ENPP2: variants seen among roughly 807,000 people sequenced by gnomAD.
ENPP2 encodes the protein ectonucleotide pyrophosphatase/phosphodiesterase 2, also known as autotaxin.
Under a neutral mutation model 120.2 loss-of-function variants are expected in ENPP2, and 51 were observed. The ratio of observed to expected loss-of-function variants is 0.42; its 90% CI spans 0.34 to 0.54. The LOEUF is 0.54. Ranked by LOEUF, ENPP2 falls within the 20% of genes least tolerant of loss-of-function variation. The pLI, the probability that ENPP2 is intolerant of heterozygous loss-of-function variation, is 0.04. For synonymous variants in ENPP2, 365 were observed against 366.4 expected (o/e 1.00, Z 0.04); for missense variants, 920 against 1,066.5 (o/e 0.86, Z 1.91).
rs765656717 is a variant in ENPP2, at chr8:119,590,624, T to C, written c.1088A>G (p.Glu363Gly). The change falls in exon 13 of 25, where the codon GAA becomes GGA. Residue 363 changes from glutamate (E) to glycine (G), a missense_variant. Coordinates refer to ENST00000075322, the MANE Select transcript of ENPP2 (RefSeq NM_001040092.3). ...CTCAGTTCTATCACATGTGACATCT[T>C]CCATTCCTATGGGGAGGGAGAAAAA... ...NVIFVGDHGM[E>G]DVTCDRTEFL... 2 of 1,530,898 alleles carry C rather than the reference T, an allele frequency of 1.3e-6. No homozygotes were observed. The highest frequency in any genetic ancestry group is 2.6e-5 in the South Asian group (2 of 77,372). The allele number at this position is 1,530,898 out of a possible 1,614,324, so 94.8% of individuals were successfully genotyped here. A position where few individuals can be genotyped will look rare whatever the true frequency, so the allele number is the denominator to read the frequency against.
At chr8:119,592,045 G>A (rs939792163) in intron 12 of ENPP2, among the ~76,000 whole-genome samples, 2 of 152,156 alleles carry the variant, frequency 1.3e-5, no homozygotes, top group Non-Finnish European at 2.9e-5. Flanking sequence ...ACTTTGTGGA[G>A]GGGTGTTAAT....
At chr8:119,593,994 T>C in intron 11 of ENPP2, 134 bp from the exon 12 acceptor site, 1 of 668,596 alleles carries the variant, frequency 1.5e-6, no homozygotes, top group Admixed American at 2.4e-5. Flanking sequence ...CTGGGGAGAT[T>C]TGCCTGCCAT....
At chr8:119,631,426 C>G (rs1438528028) in intron 2 of ENPP2, among the ~76,000 whole-genome samples, 1 of 151,628 alleles carries the variant, frequency 6.6e-6, no homozygotes, top group Non-Finnish European at 1.5e-5. Flanking sequence ...CCGTGTTAGC[C>G]AGGATGGTCT....
chr8:119,592,554 G>A (rs7001006), intron 12 of ENPP2, among the ~76,000 whole-genome samples: 3,689 of 150,566 alleles, frequency 0.025, 157 homozygotes, highest in African/African-American at 0.084. Flanking sequence ...CATCTTGGAA[G>A]CCTACACACT....
chr8:119,631,506 A>G (rs911521913), intron 2 of ENPP2, among the ~76,000 whole-genome samples: 11 of 151,970 alleles, frequency 7.2e-5, no homozygotes, highest in South Asian at 2.1e-4. Flanking sequence ...GTGAGCCACC[A>G]CGCCCAGTCT....
In ENPP2 at chr8:119,600,704, GT is replaced by G; in HGVS notation, c.945del (p.His316ThrfsTer10). The G allele has an allele frequency of 6.2e-7, 1 of 1,612,872 alleles. No homozygotes were observed. Among genetic ancestry groups the G allele is most frequent in the Non-Finnish European group, 8.5e-7 (1 of 1,178,926 alleles). ...AFYSEQPDFS[G>X]HKYGPFGPEM... is the part of the protein sequence containing the mutation. ...TCAGGGCCGAAAGGGCCATATTTGT[GT>G]CCAGAGAAATCAGGTTGCTCAGAAT... On this transcript the variant is annotated frameshift_variant, in exon 11 of 25. Coordinates refer to ENST00000075322, the MANE Select transcript of ENPP2 (RefSeq NM_001040092.3). LOFTEE classifies it high-confidence loss of function.
At position 119,570,843 on chromosome 8, in the gene ENPP2, TA is replaced by T; in HGVS notation, c.1781-3del. Reference sequence around the variant, plus strand: ...GTCGCCCATAGAGGAGGTGTCTCTCTAAAAAAGAAAAAAAATAAACTGTGTT... The same window carrying T: ...GTCGCCCATAGAGGAGGTGTCTCTCTAAAAAGAAAAAAAATAAACTGTGTT... On this transcript the variant is annotated splice_region_variant and splice_polypyrimidine_tract_variant and intron_variant, in intron 19 of 24. Transcript: ENST00000075322. The T allele has an allele frequency of 1.3e-6, 2 of 1,535,886 alleles. No individual in the cohort carries two copies. The highest frequency in any genetic ancestry group is 8.7e-7 in the Non-Finnish European group (1 of 1,149,366).
chr8:119,572,058 A>C (rs946681677), intron 19 of ENPP2: 1 of 723,602 alleles, frequency 1.4e-6, no homozygotes, highest in African/African-American at 1.8e-5. Context: ...ATTAGAACAT[A>C]ATCTGACAAT....
chr8:119,586,376 C>T, intron 14 of ENPP2, 63 bp from the exon 15 acceptor site: 1 of 1,523,484 alleles, frequency 6.6e-7, no homozygotes, highest in Non-Finnish European at 9.1e-7. Context: ...CTTACAAATT[C>T]TCTCTCTAGA....
intron 1 of ENPP2, among the ~76,000 whole-genome samples, chr8:119,643,880 G>A (rs764935919): frequency 6.6e-6 from 1 of 152,202 alleles, no homozygotes; most frequent in Admixed American, 6.5e-5. Flanking sequence ...GGGTGTGTGG[G>A]AGTGAGTAAC....
rs756959097 is a variant in ENPP2 at position 119,638,800 on chromosome 8, C to G, written c.-20G>C. ...TGCCATGTCGAGGATTCTTGGAAAGCCTTTTGCAGCGTGTTCTCTTTGCCT... is the reference window on the plus strand; with the variant it reads ...TGCCATGTCGAGGATTCTTGGAAAGGCTTTTGCAGCGTGTTCTCTTTGCCT... On this transcript the variant is annotated 5_prime_UTR_variant, in exon 1 of 25. Transcript: ENST00000075322. The G allele has an allele frequency of 8.1e-6, 13 of 1,613,804 alleles. No homozygotes were observed. In the Admixed American group the frequency reaches 1.5e-4, roughly 19 times the overall value.
At chr8:119,673,236 G>A (rs774510743) in intron 1 of ENPP2, 2 of 1,532,372 alleles carry the variant, frequency 1.3e-6, no homozygotes. Flanking sequence ...CGGGTAGAGA[G>A]AGGCGCATAC....
At chr8:119,653,506 G>C (rs574237552) in intron 1 of ENPP2, among the ~76,000 whole-genome samples, 3 of 152,282 alleles carry the variant, frequency 2.0e-5, no homozygotes, top group African/African-American at 7.2e-5. Context: ...GGGAAGCCAG[G>C]TGTCTTGGAA....
chr8:119,622,966 T>C (rs575908004), intron 3 of ENPP2, among the ~76,000 whole-genome samples: 1 of 152,168 alleles, frequency 6.6e-6, no homozygotes, highest in South Asian at 2.1e-4. Flanking sequence ...GTGGCATTGA[T>C]AGAGAAAGAT....
chr8:119,641,323 A>AC (rs1229911045), upstream of ENPP2, among the ~76,000 whole-genome samples: 3 of 152,062 alleles, frequency 2.0e-5, no homozygotes, highest in South Asian at 2.1e-4. Context: ...AGCTGAAAAA[A>AC]AAAAACAAAA....
upstream of ENPP2, among the ~76,000 whole-genome samples, chr8:119,639,567 C>A (rs1171830250): frequency 6.6e-6 from 1 of 152,010 alleles, no homozygotes; most frequent in Non-Finnish European, 1.5e-5. Flanking sequence ...TCAGTCTCTG[C>A]CTCTTCTTCC....
chr8:119,583,633 C>A, intron 17 of ENPP2, 84 bp downstream of exon 17: 1 of 774,040 alleles, frequency 1.3e-6, no homozygotes, highest in Non-Finnish European at 2.1e-6. Flanking sequence ...AAATAGACAC[C>A]TCATTTCTTT....
chr8:119,659,371 G>A (rs1299009457), intron 1 of ENPP2, among the ~76,000 whole-genome samples: 1 of 146,732 alleles, frequency 6.8e-6, no homozygotes, highest in Admixed American at 6.9e-5. Flanking sequence ...ACTTCCTAGT[G>A]GTACTAATCC....
chr8:119,557,536 A>C lies in ENPP2; in HGVS notation c.2577T>G (p.Tyr859Ter), dbSNP rs187870139. 4 of 1,612,908 alleles carry C rather than the reference A, an allele frequency of 2.5e-6. No individual in the cohort carries two copies. The South Asian group carries it at 4.4e-5, about 18-fold the overall frequency. ...ILTLKTYLHT[Y>*]ESEI ...GCTCAGAAAGTTAAATCTCGCTCTC[A>C]TATGTATGCAGGTATGTCTTGAGTG... Residue 859 changes from tyrosine (Y) to a stop codon, truncating the protein, a stop_gained, in exon 25 of 25, where the codon TAT becomes TAG. Coordinates refer to ENST00000075322, the MANE Select transcript of ENPP2 (RefSeq NM_001040092.3). LOFTEE classifies it high-confidence loss of function.
Sources: gnomAD v4.1 joint callset for allele counts (sites outside exome capture counted in the v4.1 genomes callset) on GRCh38, gnomAD v4.1.1 for gene constraint, MANE v1.5 for transcripts, NCBI Gene and HGNC (gene_info 2026-07-23, HGNC 2026-07-21) for gene names.